ADGRG7: variants seen among roughly 807,000 people sequenced by gnomAD.
ADGRG7 encodes G-protein coupled receptor 128.
ADGRG7 carries 82 observed loss-of-function variants against 88.6 expected under a neutral mutation model. The ratio of observed to expected loss-of-function variants is 0.93; its 90% confidence interval spans 0.77 to 1.11. The LOEUF (loss-of-function observed/expected upper bound fraction) is 1.11, where lower values mean the gene tolerates loss of function less well. Ranked by LOEUF, ADGRG7 falls within the 50% of genes most tolerant of loss-of-function variation. The probability of loss-of-function intolerance (pLI) is 0.00; values close to 1 mark genes in which losing one functional copy is unlikely to be tolerated. For synonymous variants in ADGRG7, 381 were observed against 345.2 expected (o/e 1.10, Z -1.15); for missense variants, 945 against 953.4 (o/e 0.99, Z 0.12).
At chr3:100,675,301 C>T (rs1027686749) in intron 15 of ADGRG7, among the ~76,000 whole-genome samples, 6 of 151,964 alleles carry the variant, frequency 3.9e-5, no homozygotes, top group Non-Finnish European at 5.9e-5. Context: ...GTTTTTACCA[C>T]GAAGTGATGT....
intron 13 of ADGRG7, among the ~76,000 whole-genome samples, chr3:100,656,537 A>G (rs2094937766): frequency 6.6e-6 from 1 of 152,258 alleles, no homozygotes; most frequent in African/African-American, 2.4e-5. Context: ...CTGTTGTAAC[A>G]GAAGCATCTG....
chr3:100,658,454 T>C (rs2094940479), intron 13 of ADGRG7, among the ~76,000 whole-genome samples: 1 of 152,204 alleles, frequency 6.6e-6, no homozygotes, highest in African/African-American at 2.4e-5. Context: ...TGTCTCTCCA[T>C]CTTGTCTAGG....
Position 100,633,384 on chromosome 3 carries a change from C to T in ADGRG7, c.447+7C>T, listed in dbSNP as rs751020697. The T allele has an allele frequency of 6.6e-7, 1 of 1,505,262 alleles. No individual in the cohort carries two copies. Among genetic ancestry groups the T allele is most frequent in the Non-Finnish European group, 9.0e-7 (1 of 1,105,088 alleles). 93.2% of individuals were successfully genotyped at this position (1,505,262 alleles called of 1,614,324 possible). A position where few individuals can be genotyped will look rare whatever the true frequency, so the allele number is the denominator to read the frequency against. Reference sequence around the variant, plus strand: ...GGAAACCCTGGAAAAGCAGGTATGCCATATGACTCACTGATGGGCAACTGG... The same window carrying T: ...GGAAACCCTGGAAAAGCAGGTATGCTATATGACTCACTGATGGGCAACTGG... On this transcript the variant is annotated splice_region_variant and intron_variant, in intron 4 of 15. Coordinates refer to ENST00000273352, the MANE Select transcript of ADGRG7 (RefSeq NM_032787.3).
chr3:100,646,224 G>GA, intron 9 of ADGRG7, 116 bp downstream of exon 9: 6 of 294,402 alleles, frequency 2.0e-5, no homozygotes, highest in Admixed American at 4.9e-5. Context: ...GGGCGGGGGG[G>GA]AGGGTTTTCC....
At chr3:100,626,501 A>G (rs1248669059) in intron 1 of ADGRG7, among the ~76,000 whole-genome samples, 3 of 152,168 alleles carry the variant, frequency 2.0e-5, no homozygotes, top group Admixed American at 6.6e-5. Flanking sequence ...ATTTATTTGA[A>G]CGGGGTCAGG....
intron 1 of ADGRG7, among the ~76,000 whole-genome samples, chr3:100,620,540 T>A (rs1421261102): frequency 6.6e-6 from 1 of 152,116 alleles, no homozygotes; most frequent in East Asian, 1.9e-4. Flanking sequence ...TTCAACATAG[T>A]GTTGGAAGTT....
intron 1 of ADGRG7, among the ~76,000 whole-genome samples, chr3:100,613,128 G>A (rs1358529818): frequency 1.3e-5 from 2 of 152,162 alleles, no homozygotes; most frequent in Non-Finnish European, 2.9e-5. Context: ...GACCTTAAGT[G>A]ATCTGCCCGC....
In ADGRG7 at chr3:100,619,480, A is replaced by G. The variant is rs533120786; in HGVS notation, c.115+9509A>G. Among the ~76,000 whole-genome samples, 76 of 152,308 alleles carry G rather than the reference A, an allele frequency of 5.0e-4. 1 individual carries two copies. In the South Asian group the frequency reaches 0.016, roughly 32 times the overall value. Reference sequence around the variant, plus strand: ...GGAAAGATCTAAAATTGACACCCTAACATCACAATTAAAAGAACTAGAGAA... The same window carrying G: ...GGAAAGATCTAAAATTGACACCCTAGCATCACAATTAAAAGAACTAGAGAA... On this transcript the variant is annotated intron_variant, in intron 1 of 15. Transcript: ENST00000273352.
In ADGRG7 at chr3:100,645,962, G is replaced by A. The variant is rs376592781; in HGVS notation, c.964G>A (p.Gly322Ser). The A allele has an allele frequency of 2.2e-5, 35 of 1,613,420 alleles. No homozygotes were observed. The highest frequency in any genetic ancestry group is 4.4e-5 in the South Asian group (4 of 91,012). Residue 322 changes from glycine to serine, a missense_variant, in exon 9 of 16, where the codon GGC becomes AGC. Physicochemically the swap from Gly to Ser is moderately conservative, Grantham distance 56. Transcript: ENST00000273352. Reference protein sequence around the residue: ...NMTKNYTKTCGFVVYQNDKLF... With the variant: ...NMTKNYTKTCSFVVYQNDKLF... The stretch of plus-strand genomic sequence containing the variant: ...CCCTATAGATTACACCAAGACATGC[G>A]GCTTTGTAGTTTATCAAAATGACAA...
At chr3:100,616,929 A>C (rs190931297) in intron 1 of ADGRG7, among the ~76,000 whole-genome samples, 88 of 152,314 alleles carry the variant, frequency 5.8e-4, no homozygotes, top group South Asian at 1.0e-3. Flanking sequence ...TAATATAAAG[A>C]GATGTTAACA....
chr3:100,694,923 C>A lies in ADGRG7; in HGVS notation c.2316C>A (p.Arg772=). The A allele has an allele frequency of 6.2e-7, 1 of 1,614,136 alleles. No homozygotes were observed. Among genetic ancestry groups the A allele is most frequent in the Non-Finnish European group, 8.5e-7 (1 of 1,179,990 alleles). Residue 772 remains arginine, a synonymous_variant, in exon 16 of 16, where the codon CGC becomes CGA. Transcript: ENST00000273352. ...GGTCATTGCCAACCTTACATGAACG[C>A]TTTAGGCTACTGGAAACCTCTCCGA... ...FLRSLPTLHE[R]FRLLETSPST...
Position 100,643,353 on chromosome 3 carries a change from C to A in ADGRG7, c.786C>A (p.Phe262Leu), listed in dbSNP as rs751437270. Residue 262 changes from phenylalanine (F) to leucine (L), a missense_variant, in exon 7 of 16, where the codon TTC (phenylalanine) becomes TTA (leucine). Transcript: ENST00000273352. The stretch of plus-strand genomic sequence containing the variant: ...ACATAGCAATACAGTCAGCAAATTT[C>A]TCTTCAGAAAATGCGGTGGGGCCTT... ...EPNIAIQSAN[F>L]SSENAVGPSN... 6.2e-7 allele frequency: 1 copy of A among 1,614,060 alleles called. No individual in the cohort carries two copies. The highest frequency in any genetic ancestry group is 1.7e-5 in the Admixed American group (1 of 60,018).
At chr3:100,630,854 T>C (rs767554641) in intron 3 of ADGRG7, 45 bp downstream of exon 3, 1 of 1,085,796 alleles carries the variant, frequency 9.2e-7, no homozygotes, top group Non-Finnish European at 1.3e-6. Flanking sequence ...AGAATTACTA[T>C]GCTGAGTCAT....
At chr3:100,659,931 T>C in intron 14 of ADGRG7, 88 bp downstream of exon 14, 5 of 1,297,534 alleles carry the variant, frequency 3.9e-6, no homozygotes, top group Non-Finnish European at 4.3e-6. Context: ...TTTCAGAAGC[T>C]TTCAAACTGA....
chr3:100,694,687 T>G, intron 15 of ADGRG7, 57 bp from the exon 16 acceptor site: 2 of 1,518,962 alleles, frequency 1.3e-6, no homozygotes, highest in Non-Finnish European at 1.8e-6. Flanking sequence ...ATAAAATGTC[T>G]TCCTTGATAC....
intron 14 of ADGRG7, among the ~76,000 whole-genome samples, chr3:100,664,651 A>G (rs2094949603): frequency 6.6e-6 from 1 of 152,198 alleles, no homozygotes; most frequent in Non-Finnish European, 1.5e-5. Flanking sequence ...GACAAGTGAT[A>G]ATAAGCTATT....
intron 15 of ADGRG7, among the ~76,000 whole-genome samples, chr3:100,683,976 T>C (rs912353981): frequency 1.3e-5 from 2 of 152,192 alleles, no homozygotes; most frequent in African/African-American, 4.8e-5. Flanking sequence ...TGCATTATCA[T>C]GTTCCTGGAA....
chr3:100,643,966 G>A (rs1232079131), intron 8 of ADGRG7, among the ~76,000 whole-genome samples: 1 of 152,126 alleles, frequency 6.6e-6, no homozygotes, highest in African/African-American at 2.4e-5. Context: ...TCAATCACAA[G>A]CTCTGACCAT....
intron 1 of ADGRG7, among the ~76,000 whole-genome samples, chr3:100,618,359 T>G (rs1323811038): frequency 2.0e-5 from 3 of 152,246 alleles, no homozygotes; most frequent in Admixed American, 6.5e-5. Flanking sequence ...GGTCTAACAT[T>G]TAAGTATTTA....
Sources: allele counts gnomAD v4.1 joint callset (sites outside exome capture counted in the v4.1 genomes callset), GRCh38; gene constraint gnomAD v4.1.1; transcripts MANE v1.5; gene names NCBI Gene and HGNC (gene_info 2026-07-23, HGNC 2026-07-21).